The following SPOCK1 variants were observed in gnomAD, a reference collection of about 807,000 sequenced individuals.
The protein encoded by SPOCK1 is testican-1.
SPOCK1 carries 23 observed loss-of-function variants against 55.3 expected under a neutral mutation model. The ratio of observed to expected loss-of-function variants is 0.42; its 90% CI spans 0.30 to 0.59. The LOEUF (loss-of-function observed/expected upper bound fraction) is 0.59, where lower values mean the gene tolerates loss of function less well. Among genes scored for constraint, SPOCK1 ranks in the 20% least tolerant of loss-of-function variants. SPOCK1 has a pLI of 0.22. For missense variants in SPOCK1, 499 were observed against 552.5 expected (o/e 0.90, Z 0.97); for synonymous variants, 226 against 221.0 (o/e 1.02, Z -0.20).
chr5:137,202,670 T>A (rs867461523), intron 3 of SPOCK1, among the ~76,000 whole-genome samples: 2 of 152,194 alleles, frequency 1.3e-5, no homozygotes, highest in Non-Finnish European at 2.9e-5. Context: ...GTTCACAGGC[T>A]GAAACAGCTC....
intron 3 of SPOCK1, among the ~76,000 whole-genome samples, chr5:137,167,647 T>C (rs1475635500): frequency 6.6e-6 from 1 of 151,912 alleles, no homozygotes; most frequent in East Asian, 1.9e-4. Flanking sequence ...GAATAAAACT[T>C]GAAATTAATA....
chr5:137,461,654 C>T (rs1055306476), intron 2 of SPOCK1, among the ~76,000 whole-genome samples: 2 of 152,158 alleles, frequency 1.3e-5, no homozygotes, highest in African/African-American at 2.4e-5. Context: ...TTGTTCTGCC[C>T]GTCTCTGGGC....
intron 2 of SPOCK1, among the ~76,000 whole-genome samples, chr5:137,334,558 A>G (rs1327171194): frequency 6.6e-6 from 1 of 152,214 alleles, no homozygotes; most frequent in Non-Finnish European, 1.5e-5. Context: ...TTCTCTCCAA[A>G]GCAGACAATG....
chr5:137,309,918 T>C (rs1757761439), intron 2 of SPOCK1, among the ~76,000 whole-genome samples: 1 of 152,196 alleles, frequency 6.6e-6, no homozygotes, highest in Non-Finnish European at 1.5e-5. Flanking sequence ...ATAGGCATTC[T>C]ATAAATAGTT....
In SPOCK1 at chr5:137,451,422, A is replaced by T. The variant is rs573639464; in HGVS notation, c.186+46951T>A. On this transcript the variant is annotated intron_variant, in intron 2 of 10. Coordinates refer to ENST00000394945, the MANE Select transcript of SPOCK1 (RefSeq NM_004598.4). ...TCACAGTGCTATTTACAATGTATTC[A>T]ATTTTGCAGGACACCTGTCACTTCC... 4.9e-4 allele frequency among the ~76,000 whole-genome samples: 74 copies of T among 152,318 alleles called. No homozygotes were observed. The Middle Eastern group carries it at 0.014, about 28-fold the overall frequency.
At chr5:137,167,506 C>A (rs1754672331) in intron 3 of SPOCK1, among the ~76,000 whole-genome samples, 1 of 151,870 alleles carries the variant, frequency 6.6e-6, no homozygotes, top group Admixed American at 6.6e-5. Context: ...CCAATGGCTG[C>A]AGAATACACA....
intron 3 of SPOCK1, among the ~76,000 whole-genome samples, chr5:137,246,050 T>C (rs929792108): frequency 2.6e-5 from 4 of 152,236 alleles, no homozygotes; most frequent in Non-Finnish European, 5.9e-5. Context: ...AGTTGTCCTC[T>C]ATGTCCTACT....
chr5:136,985,797 G>A (rs138442395), intron 8 of SPOCK1, among the ~76,000 whole-genome samples: 45 of 152,242 alleles, frequency 3.0e-4, no homozygotes, highest in Admixed American at 5.9e-4. Context: ...GGTCCTCAGC[G>A]GCAAAATGCA....
At chr5:137,080,041 A>T (rs1446133874) in intron 5 of SPOCK1, among the ~76,000 whole-genome samples, 1 of 152,200 alleles carries the variant, frequency 6.6e-6, no homozygotes, top group African/African-American at 2.4e-5. Flanking sequence ...TCTATTCTTC[A>T]CAGTGCTGGT....
chr5:137,437,873 G>A (rs915847296), intron 2 of SPOCK1, among the ~76,000 whole-genome samples: 1 of 152,140 alleles, frequency 6.6e-6, no homozygotes, highest in East Asian at 1.9e-4. Context: ...TTTTCATCTT[G>A]AGAAACTGAA....
chr5:137,370,142 C>T (rs184822401), intron 2 of SPOCK1, among the ~76,000 whole-genome samples: 13 of 152,266 alleles, frequency 8.5e-5, no homozygotes, highest in Non-Finnish European at 1.3e-4. Context: ...TGCCTCTCAG[C>T]ACACTCAGGA....
intron 6 of SPOCK1, among the ~76,000 whole-genome samples, chr5:137,066,402 G>C (rs1752505715): frequency 6.6e-6 from 1 of 152,176 alleles, no homozygotes; most frequent in South Asian, 2.1e-4. Flanking sequence ...GTCTCCCAAA[G>C]TGCTGGGATT....
chr5:137,091,948 T>C (rs1237292610), intron 5 of SPOCK1, among the ~76,000 whole-genome samples: 8 of 152,060 alleles, frequency 5.3e-5, no homozygotes, highest in Non-Finnish European at 5.9e-5. Flanking sequence ...GTCAGTTCCT[T>C]ATAAACACGA....
At chr5:137,357,774 T>C (rs1029465961) in intron 2 of SPOCK1, among the ~76,000 whole-genome samples, 1 of 152,186 alleles carries the variant, frequency 6.6e-6, no homozygotes, top group African/African-American at 2.4e-5. Context: ...ACAATCTTTG[T>C]GAAGTTGGAA....
intron 2 of SPOCK1, among the ~76,000 whole-genome samples, chr5:137,394,724 T>C (rs1030667789): frequency 5.3e-5 from 8 of 152,126 alleles, no homozygotes; most frequent in Non-Finnish European, 1.2e-4. Context: ...GAAAGCCAGC[T>C]CCAAGAGCCA....
rs113971797 is a variant in SPOCK1, at chr5:136,991,003, G to A, written c.706+1481C>T. On this transcript the variant is annotated intron_variant, in intron 7 of 10. Coordinates refer to ENST00000394945, the MANE Select transcript of SPOCK1 (RefSeq NM_004598.4). ...TTCAGAACTCCTAGACTCAAATGCC[G>A]CTCACTCCTCTGGCCTTCTGGGCTA... Among the ~76,000 whole-genome samples the A allele has an allele frequency of 1.8e-4, 28 of 152,148 alleles. 1 individual carries two copies. The highest frequency in any genetic ancestry group is 4.6e-4 in the African/African-American group (19 of 41,516).
At chr5:137,132,252 T>C (rs1753900941) in intron 4 of SPOCK1, among the ~76,000 whole-genome samples, 1 of 150,750 alleles carries the variant, frequency 6.6e-6, no homozygotes, top group African/African-American at 2.4e-5. Flanking sequence ...ACATCTTCAG[T>C]GAATTGCAGG....
At chr5:137,178,602 GTC>G (rs1754905378) in intron 3 of SPOCK1, among the ~76,000 whole-genome samples, 1 of 152,194 alleles carries the variant, frequency 6.6e-6, no homozygotes, top group Non-Finnish European at 1.5e-5. Context: ...TCTCTACAGA[GTC>G]TGCGGGGGAA....
At chr5:137,035,374 C>T (rs1315705019) in intron 6 of SPOCK1, among the ~76,000 whole-genome samples, 2 of 152,156 alleles carry the variant, frequency 1.3e-5, no homozygotes, top group Non-Finnish European at 2.9e-5. Flanking sequence ...CATTTCTGGG[C>T]AGAGACTCCG....
Sources: allele counts gnomAD v4.1 joint callset (sites outside exome capture counted in the v4.1 genomes callset), GRCh38; gene constraint gnomAD v4.1.1; transcripts MANE v1.5; gene names NCBI Gene and HGNC (gene_info 2026-07-23, HGNC 2026-07-21).